ADK: variants seen among roughly 807,000 people sequenced by gnomAD.
ADK encodes N6,N6-dimethyladenosine kinase.
A neutral mutation model predicts 44.7 loss-of-function variants in ADK; 24 were observed. That is an observed-to-expected ratio of 0.54 (90% CI 0.39 to 0.76). The LOEUF is 0.76. ADK is among the 30% of genes least tolerant of loss of function. ADK has a pLI of 0.00. For synonymous variants in ADK, 128 were observed against 142.6 expected (o/e 0.90, Z 0.73); for missense variants, 321 against 425.1 (o/e 0.76, Z 2.15).
At chr10:74,203,045 G>T (rs142308367) in intron 2 of ADK, among the ~76,000 whole-genome samples, 3 of 152,160 alleles carry the variant, frequency 2.0e-5, no homozygotes, top group Non-Finnish European at 4.4e-5. Context: ...ACAAAGATTT[G>T]TGCCTGTGTT....
At chr10:74,658,833 A>G (rs1854590248) in intron 9 of ADK, among the ~76,000 whole-genome samples, 1 of 152,140 alleles carries the variant, frequency 6.6e-6, no homozygotes, top group African/African-American at 2.4e-5. Context: ...GATATGCTTC[A>G]TTTAGTGAAC....
At chr10:74,634,062 T>TTA (rs996085261) in intron 9 of ADK, among the ~76,000 whole-genome samples, 6 of 152,160 alleles carry the variant, frequency 3.9e-5, no homozygotes, top group Admixed American at 3.3e-4. Context: ...TAAAAGAACT[T>TTA]AATAAAGATG....
chr10:74,531,041 G>A (rs1849273013), intron 7 of ADK, among the ~76,000 whole-genome samples: 2 of 152,168 alleles, frequency 1.3e-5, no homozygotes, highest in African/African-American at 4.8e-5. Flanking sequence ...TACCAGAGAA[G>A]AAATAGCTGA....
At chr10:74,342,778 T>TG (rs1564664047) in intron 4 of ADK, among the ~76,000 whole-genome samples, 1 of 148,930 alleles carries the variant, frequency 6.7e-6, no homozygotes. Context: ...CCTAGCTCAG[T>TG]TTGTGTGTGT....
At chr10:74,555,155 G>T (rs1159438311) in intron 7 of ADK, among the ~76,000 whole-genome samples, 1 of 152,114 alleles carries the variant, frequency 6.6e-6, no homozygotes, top group African/African-American at 2.4e-5. Context: ...AATTAGCCCT[G>T]CATGGCCCAT....
Position 74,511,060 on chromosome 10 carries a change from G to C in ADK, c.556-14196G>C, listed in dbSNP as rs542085287. ...GCATGCAGTGAGAGGTAGAAGTGTA[G>C]TTTCATTCTTCTGCATATGGCTATC... is the stretch of plus-strand genomic sequence containing the variant. On this transcript the variant is annotated intron_variant, in intron 6 of 10. Transcript: ENST00000539909. Among the ~76,000 whole-genome samples, 4 of 152,230 alleles carry C rather than the reference G, an allele frequency of 2.6e-5. No individual in the cohort carries two copies. The East Asian group carries it at 7.7e-4, about 29-fold the overall frequency.
chr10:74,330,665 G>A (rs1325651757), intron 4 of ADK, among the ~76,000 whole-genome samples: 1 of 152,112 alleles, frequency 6.6e-6, no homozygotes. Context: ...TGTTCTTGAG[G>A]ATACGCAGTC....
chr10:74,470,498 A>C (rs905324789), intron 6 of ADK, among the ~76,000 whole-genome samples: 8 of 151,928 alleles, frequency 5.3e-5, no homozygotes, highest in Admixed American at 2.0e-4. Context: ...TAATTTTTTG[A>C]GGATACTTCA....
intron 6 of ADK, among the ~76,000 whole-genome samples, chr10:74,414,562 C>A (rs557036992): frequency 6.6e-6 from 1 of 151,914 alleles, no homozygotes; most frequent in Non-Finnish European, 1.5e-5. Flanking sequence ...ATGGTGAAAC[C>A]CCCTCTCTAC....
At chr10:74,542,145 G>T (rs1003701180) in intron 7 of ADK, among the ~76,000 whole-genome samples, 1 of 152,092 alleles carries the variant, frequency 6.6e-6, no homozygotes, top group African/African-American at 2.4e-5. Context: ...GGAGGCTGAG[G>T]TAAGAGGATC....
At chr10:74,635,470 G>A (rs1408673395) in intron 9 of ADK, among the ~76,000 whole-genome samples, 1 of 152,138 alleles carries the variant, frequency 6.6e-6, no homozygotes, top group Non-Finnish European at 1.5e-5. Context: ...ATGGAAACAG[G>A]CCTCAAGTTA....
chr10:74,257,263 GCGCAAGTTTCGTA>G (rs1395612348), intron 3 of ADK, among the ~76,000 whole-genome samples: 1 of 152,178 alleles, frequency 6.6e-6, no homozygotes, highest in African/African-American at 2.4e-5. Flanking sequence ...CTCTCTGTAT[GCGCAAGTTTCGTA>G]TCCTGTGAAT....
intron 3 of ADK, among the ~76,000 whole-genome samples, chr10:74,253,429 G>A (rs1845720732): frequency 6.6e-6 from 1 of 152,084 alleles, no homozygotes; most frequent in Non-Finnish European, 1.5e-5. Context: ...CACACTGGTG[G>A]GTGTGTCTGA....
At chr10:74,570,737 G>C (rs1340081334) in intron 7 of ADK, among the ~76,000 whole-genome samples, 1 of 152,070 alleles carries the variant, frequency 6.6e-6, no homozygotes, top group Non-Finnish European at 1.5e-5. Context: ...TCTCAAACAG[G>C]GACAATTTGA....
intron 6 of ADK, among the ~76,000 whole-genome samples, chr10:74,486,156 TAGTA>T (rs1302922853): frequency 6.6e-6 from 1 of 152,060 alleles, no homozygotes; most frequent in African/African-American, 2.4e-5. Flanking sequence ...GGTCTCATGA[TAGTA>T]AGTGAGTTCT....
chr10:74,224,725 A>G, intron 3 of ADK, 134 bp downstream of exon 3: 2 of 735,598 alleles, frequency 2.7e-6, no homozygotes, highest in Non-Finnish European at 4.8e-6. Flanking sequence ...AATCCTAACA[A>G]TTATGATAAC....
intron 6 of ADK, among the ~76,000 whole-genome samples, chr10:74,438,916 C>G (rs532130682): frequency 5.9e-5 from 9 of 152,186 alleles, no homozygotes; most frequent in African/African-American, 1.9e-4. Flanking sequence ...ATAATGTGGC[C>G]TATTTTTTAC....
intron 4 of ADK, among the ~76,000 whole-genome samples, chr10:74,382,915 G>A (rs901707262): frequency 6.6e-6 from 1 of 151,938 alleles, no homozygotes; most frequent in East Asian, 1.9e-4. Context: ...GAAAAACACA[G>A]CAAAGTTTCC....
chr10:74,551,827 G>C (rs1850043972), intron 7 of ADK, among the ~76,000 whole-genome samples: 2 of 152,050 alleles, frequency 1.3e-5, no homozygotes, highest in South Asian at 4.1e-4. Flanking sequence ...TCAGGGGATT[G>C]GTTTCAGGAC....
Sources: gnomAD v4.1 joint callset for allele counts (sites outside exome capture counted in the v4.1 genomes callset) on GRCh38, gnomAD v4.1.1 for gene constraint, MANE v1.5 for transcripts, NCBI Gene and HGNC (gene_info 2026-07-23, HGNC 2026-07-21) for gene names.